Variants in NRXN1 observed in about 807,000 individuals in gnomAD.
NRXN1 encodes the protein neurexin 1.
A neutral mutation model predicts 150.9 loss-of-function variants in NRXN1; 39 were observed. The ratio of observed to expected loss-of-function variants is 0.26; its 90% CI spans 0.20 to 0.34. The LOEUF (loss-of-function observed/expected upper bound fraction) is 0.34. Among genes scored for constraint, NRXN1 ranks in the 10% least tolerant of loss-of-function variants. The pLI is 1.00. For missense variants in NRXN1, 1,815 were observed against 1,949.9 expected (o/e 0.93, Z 1.30); for synonymous variants, 924 against 757.0 (o/e 1.22, Z -3.62).
At chr2:50,963,957 A>G (rs1693623656) in intron 2 of NRXN1, 1 of 440,724 alleles carries the variant, frequency 2.3e-6, no homozygotes, top group South Asian at 1.6e-5. Flanking sequence ...TTGAGCTCAA[A>G]TAATACAAAC....
intron 15 of NRXN1, among the ~76,000 whole-genome samples, chr2:50,487,855 C>A (rs961312929): frequency 6.6e-6 from 1 of 152,180 alleles, no homozygotes; most frequent in Non-Finnish European, 1.5e-5. Context: ...ACCCTCGCAT[C>A]TGCACAGAAG....
intron 17 of NRXN1, among the ~76,000 whole-genome samples, chr2:50,377,814 T>C (rs1338033711): frequency 6.6e-6 from 1 of 152,076 alleles, no homozygotes; most frequent in East Asian, 1.9e-4. Context: ...AAATTGTGAG[T>C]AAGGAGCTGA....
At chr2:50,545,351 A>G (rs556260178) in intron 9 of NRXN1, among the ~76,000 whole-genome samples, 2 of 152,196 alleles carry the variant, frequency 1.3e-5, no homozygotes, top group African/African-American at 4.8e-5. Context: ...ATTCTGCAGC[A>G]ATTGAAATAT....
intron 17 of NRXN1, among the ~76,000 whole-genome samples, chr2:50,442,668 G>A (rs1333846754): frequency 6.6e-6 from 1 of 152,154 alleles, no homozygotes; most frequent in African/African-American, 2.4e-5. Context: ...AAATATCAGA[G>A]TTACTGGCAT....
chr2:50,204,784 C>G (rs2062443789), intron 18 of NRXN1, among the ~76,000 whole-genome samples: 1 of 151,744 alleles, frequency 6.6e-6, no homozygotes, highest in Non-Finnish European at 1.5e-5. Context: ...CCAAAAATAA[C>G]CAAATGGCAA....
At chr2:50,168,361 C>A (rs2152797770) in intron 18 of NRXN1, among the ~76,000 whole-genome samples, 1 of 152,250 alleles carries the variant, frequency 6.6e-6, no homozygotes, top group Non-Finnish European at 1.5e-5. Context: ...TGGAAATAAA[C>A]CATACTGAAG....
At chr2:50,506,683 G>C (rs2092241185) in intron 12 of NRXN1, 66 bp from the exon 13 acceptor site, 1 of 1,557,744 alleles carries the variant, frequency 6.4e-7, no homozygotes, top group Non-Finnish European at 8.8e-7. Flanking sequence ...ACCTCACAGA[G>C]AGTGAGAGAA....
At chr2:50,663,073 T>C (rs1219871594) in intron 5 of NRXN1, among the ~76,000 whole-genome samples, 2 of 151,984 alleles carry the variant, frequency 1.3e-5, no homozygotes, top group Non-Finnish European at 2.9e-5. Context: ...AAGATACAGG[T>C]GATAGAGGCC....
intron 15 of NRXN1, among the ~76,000 whole-genome samples, chr2:50,488,878 C>A (rs10180284): frequency 2.6e-5 from 4 of 151,958 alleles, no homozygotes; most frequent in African/African-American, 4.8e-5. Flanking sequence ...CAACGCATCA[C>A]CACTCCTGGC....
At chr2:50,887,501 C>T (rs912783668) in intron 5 of NRXN1, among the ~76,000 whole-genome samples, 10 of 151,256 alleles carry the variant, frequency 6.6e-5, no homozygotes, top group South Asian at 2.1e-4. Context: ...AAGTTGGAAA[C>T]GCAAGAAGCT....
intron 11 of NRXN1, 149 bp from the exon 12 acceptor site, chr2:50,528,800 C>T: frequency 1.9e-6 from 1 of 523,172 alleles, no homozygotes; most frequent in Non-Finnish European, 3.4e-6. Flanking sequence ...ACTTATAAAG[C>T]CCAGATGTTT....
At chr2:50,269,378 A>T (rs2069287138) in intron 17 of NRXN1, among the ~76,000 whole-genome samples, 2 of 152,228 alleles carry the variant, frequency 1.3e-5, no homozygotes, top group Admixed American at 6.5e-5. Flanking sequence ...ATATAAAAGC[A>T]GCTAAAAGAT....
At chr2:50,046,703 C>G (rs866128098) in intron 21 of NRXN1, among the ~76,000 whole-genome samples, 1 of 152,118 alleles carries the variant, frequency 6.6e-6, no homozygotes, top group African/African-American at 2.4e-5. Flanking sequence ...ACAGCTAGTA[C>G]GTGGTAAACA....
intron 17 of NRXN1, among the ~76,000 whole-genome samples, chr2:50,248,178 G>A (rs181297911): frequency 4.6e-5 from 7 of 152,042 alleles, no homozygotes; most frequent in East Asian, 1.9e-4. Context: ...CATACTTGGC[G>A]AATTTTTTAA....
chr2:50,458,015 G>A (rs1235095723), intron 17 of NRXN1, among the ~76,000 whole-genome samples: 27 of 152,046 alleles, frequency 1.8e-4, no homozygotes, highest in Admixed American at 1.6e-3. Context: ...TCAGTATATC[G>A]AAGAGATAAT....
At chr2:50,437,264 A>C (rs764834343) in intron 17 of NRXN1, among the ~76,000 whole-genome samples, 1 of 152,198 alleles carries the variant, frequency 6.6e-6, no homozygotes, top group African/African-American at 2.4e-5. Context: ...CATATCCACA[A>C]AATCCCAAGT....
intron 5 of NRXN1, among the ~76,000 whole-genome samples, chr2:50,717,672 C>A (rs1000076926): frequency 6.6e-6 from 1 of 152,058 alleles, no homozygotes; most frequent in Non-Finnish European, 1.5e-5. Context: ...TGACTTAAAC[C>A]ACAAACATTT....
intron 5 of NRXN1, among the ~76,000 whole-genome samples, chr2:50,800,690 C>T (rs1707468272): frequency 6.6e-6 from 1 of 152,214 alleles, no homozygotes; most frequent in South Asian, 2.1e-4. Flanking sequence ...GTTGGAATTA[C>T]AGGCATGCAC....
chr2:50,868,187 A>ATATG (rs1445257364), intron 5 of NRXN1, among the ~76,000 whole-genome samples: 6 of 90,930 alleles, frequency 6.6e-5, no homozygotes, highest in South Asian at 3.5e-4. Context: ...ATATATATAT[A>ATATG]TGCATACACA....
Sources: allele counts gnomAD v4.1 joint callset (sites outside exome capture counted in the v4.1 genomes callset), GRCh38; gene constraint gnomAD v4.1.1; transcripts MANE v1.5; gene names NCBI Gene and HGNC (gene_info 2026-07-23, HGNC 2026-07-21).